The following SHC1 variants were observed in gnomAD, a reference collection of about 807,000 sequenced individuals.
The protein encoded by SHC1 is SHC-transforming protein 1.
A neutral mutation model predicts 55.9 loss-of-function variants in SHC1; 30 were observed. The ratio of observed to expected loss-of-function variants is 0.54; its 90% confidence interval spans 0.40 to 0.73. The LOEUF (loss-of-function observed/expected upper bound fraction) is 0.73. SHC1 is among the 30% of genes least tolerant of loss of function. The pLI, the probability that SHC1 is intolerant of heterozygous loss-of-function variation, is 0.00. For missense variants in SHC1, 675 were observed against 777.1 expected (o/e 0.87, Z 1.56); for synonymous variants, 309 against 306.1 (o/e 1.01, Z -0.10).
Position 154,966,440 on chromosome 1 carries a change from G to A in SHC1, c.1061C>T (p.Pro354Leu), listed in dbSNP as rs767549280. Reference protein sequence around the residue: ...PPDHQYYNDFPGKEPPLGGVV... With the variant: ...PPDHQYYNDFLGKEPPLGGVV... The stretch of plus-strand genomic sequence containing the variant: ...CCCCCCCAAGGGGGGTTCCTTCCCC[G>A]GGAAGTCATTATAGTACTGATGGTC... The change falls in exon 8 of 12, where the codon CCG becomes CTG. Residue 354 changes from proline to leucine, a missense_variant. This residue lies in a region of SHC1 where 360 missense variants were observed against 371.1 expected (regional missense o/e 0.97). Coordinates refer to ENST00000448116, the MANE Select transcript of SHC1 (RefSeq NM_001130040.2). 2.5e-5 allele frequency: 40 copies of A among 1,612,868 alleles called. No individual in the cohort carries two copies. The highest frequency in any genetic ancestry group is 1.1e-4 in the African/African-American group (8 of 74,868).
chr1:154,970,683 C>T lies in SHC1; in HGVS notation c.-157G>A, dbSNP rs1199597584. On this transcript the variant is annotated 5_prime_UTR_variant, in exon 1 of 12. Transcript: ENST00000448116. The surrounding 1 kb of genome is among the most constrained non-coding windows in gnomAD (Gnocchi z 5.5). ...GGGAGGGAGAGGGACAAGTGGCTTC[C>T]GCTCCCCAGCTCAGACCCAGACAGT... 1 of 563,680 alleles carries T rather than the reference C, an allele frequency of 1.8e-6. No individual in the cohort carries two copies. The highest frequency in any genetic ancestry group is 3.1e-6 in the Non-Finnish European group (1 of 320,704). 34.9% of individuals were successfully genotyped at this position (563,680 alleles called of 1,614,324 possible). A position where few individuals can be genotyped will look rare whatever the true frequency, so the allele number is the denominator to read the frequency against.
chr1:154,963,169 G>C lies in SHC1; in HGVS notation c.*634C>G, dbSNP rs1655511845. 1 of 153,284 alleles carries C rather than the reference G, an allele frequency of 6.5e-6. No homozygotes were observed. The highest frequency in any genetic ancestry group is 1.5e-5 in the Non-Finnish European group (1 of 68,462). The allele number at this position is 153,284 out of a possible 1,614,324, so 9.5% of individuals were successfully genotyped here. ...GCCTGGCCGGGAGTGGGGCTCTGGGGCAATCTCTAAGGGTTGCATATCCCC... is the reference window on the plus strand; with the variant it reads ...GCCTGGCCGGGAGTGGGGCTCTGGGCCAATCTCTAAGGGTTGCATATCCCC... On this transcript the variant is annotated 3_prime_UTR_variant, in exon 12 of 12. Transcript: ENST00000448116.
At chr1:154,972,558 C>A (rs1185682554), upstream of SHC1, among the ~76,000 whole-genome samples, 3 of 152,172 alleles carry the variant, frequency 2.0e-5, no homozygotes, top group African/African-American at 7.2e-5. Context: ...CTAGGATGTC[C>A]CTCATCTGTA....
intron 7 of SHC1, among the ~76,000 whole-genome samples, 178 bp from the exon 8 acceptor site, chr1:154,966,695 C>G (rs1322644843): frequency 6.6e-6 from 1 of 152,224 alleles, no homozygotes; most frequent in Non-Finnish European, 1.5e-5. Flanking sequence ...GGTATTGTTT[C>G]CTTCCCCACT....
Position 154,966,371 on chromosome 1 carries a change from G to A in SHC1, c.1130C>T (p.Ala377Val), listed in dbSNP as rs755036212. Residue 377 changes from alanine to valine, a missense_variant, in exon 8 of 12, where the codon GCT becomes GTT. By Grantham distance (64) the Ala-to-Val change is moderately conservative. This residue lies in a region of SHC1 where 360 missense variants were observed against 371.1 expected (regional missense o/e 0.97). Coordinates refer to ENST00000448116, the MANE Select transcript of SHC1 (RefSeq NM_001130040.2). ...CTGGGCATTGGGTGCAGTGGGTCGA[G>A]CAGCCCCTGGAGCGGCTCCTTCCCG... ...RLREGAAPGA[A>V]RPTAPNAQTP... The A allele has an allele frequency of 2.3e-5, 37 of 1,614,022 alleles. No homozygotes were observed. Among genetic ancestry groups the A allele is most frequent in the Non-Finnish European group, 2.7e-5 (32 of 1,180,008 alleles).
At chr1:154,972,873 G>A (rs951339443), upstream of SHC1, among the ~76,000 whole-genome samples, 5 of 151,976 alleles carry the variant, frequency 3.3e-5, no homozygotes, top group Non-Finnish European at 5.9e-5. Context: ...TCTGGTTAGG[G>A]GGAGGGGAAG....
At chr1:154,969,930 T>A in intron 1 of SHC1, 102 bp downstream of exon 1, 1 of 1,277,844 alleles carries the variant, frequency 7.8e-7, no homozygotes, top group South Asian at 1.3e-5. Context: ...TGAAACGGGG[T>A]TGTTGGGGAA....
rs1240153674 is a variant in SHC1, at chr1:154,965,716, G to A, written c.1453C>T (p.Arg485Ter). The A allele has an allele frequency of 3.1e-6, 5 of 1,614,140 alleles. No homozygotes were observed. The highest frequency in any genetic ancestry group is 4.2e-6 in the Non-Finnish European group (5 of 1,180,026). ...PQSVSMAEQL[R>*]GEPWFHGKLS... ...TTCCCATGGAACCAGGGCTCCCCTC[G>A]GAGCTGCTCAGCCATGGACACCGAC... is the stretch of plus-strand genomic sequence containing the variant. Residue 485 changes from arginine to a stop codon, truncating the protein, a stop_gained, in exon 11 of 12, where the codon CGA becomes TGA. Coordinates refer to ENST00000448116, the MANE Select transcript of SHC1 (RefSeq NM_001130040.2). LOFTEE classifies it high-confidence loss of function.
Position 154,967,786 on chromosome 1 carries a change from G to A in SHC1, c.868C>T (p.Leu290=). 1.2e-6 allele frequency: 2 copies of A among 1,614,130 alleles called. No individual in the cohort carries two copies. The highest frequency in any genetic ancestry group is 1.1e-5 in the South Asian group (1 of 91,068). ...DPVNQRACHI[L]ECPEGLAQDV... is the part of the protein sequence containing the mutation. ...TGGGCAAGCCCTTCGGGACACTCCA[G>A]AATGTGGCAGGCTGAGGGCACAGCA... Residue 290 remains leucine (L), a synonymous_variant, in exon 7 of 12, where the codon CTG becomes TTG. Transcript: ENST00000448116.
intron 2 of SHC1, 116 bp from the exon 3 acceptor site, chr1:154,968,950 C>G: frequency 1.1e-6 from 1 of 874,920 alleles, no homozygotes; most frequent in South Asian, 1.3e-5. Flanking sequence ...GCACTCCAGG[C>G]TCTTTGTCAT....
chr1:154,972,074 C>T (rs1244585706), upstream of SHC1, among the ~76,000 whole-genome samples: 1 of 151,944 alleles, frequency 6.6e-6, no homozygotes, highest in Non-Finnish European at 1.5e-5. Context: ...ATGGTGAAAC[C>T]CTGTCTCTAC....
At chr1:154,967,192 G>A (rs1656111190) in intron 7 of SHC1, among the ~76,000 whole-genome samples, 1 of 151,974 alleles carries the variant, frequency 6.6e-6, no homozygotes, top group African/African-American at 2.4e-5. Flanking sequence ...GGGGCCGGGG[G>A]AGGCACTCCA....
At chr1:154,973,956 G>T (rs1418960875), upstream of SHC1, among the ~76,000 whole-genome samples, 6 of 152,174 alleles carry the variant, frequency 3.9e-5, no homozygotes, top group Non-Finnish European at 5.9e-5. Flanking sequence ...TCGTTGCTAG[G>T]AGGCGGAGTT....
chr1:154,969,647 G>C (rs1656481144), intron 1 of SHC1, among the ~76,000 whole-genome samples, 199 bp from the exon 2 acceptor site: 1 of 152,206 alleles, frequency 6.6e-6, no homozygotes, highest in Admixed American at 6.5e-5. Flanking sequence ...AGGCTAGAAG[G>C]ACCTCACACA....
rs1656617766 is a variant in SHC1 at position 154,970,447 on chromosome 1, C to G, written c.80G>C (p.Gly27Ala). ...AGGCAGCTCCTCCGGGGGGGTGGAC[C>G]CAGAAGCCCCTTCCTCCAGCGATGA... Reference protein sequence around the residue: ...SLSSLEEGASGSTPPEELPSP... With the variant: ...SLSSLEEGASASTPPEELPSP... Residue 27 changes from glycine to alanine, a missense_variant, in exon 1 of 12, where the codon GGG becomes GCG. This residue lies in a region of SHC1 where 156 missense variants were observed against 159.1 expected (regional missense o/e 0.98). Transcript: ENST00000448116. This position sits in a 1 kb window ranked among gnomAD's most constrained non-coding sequence, Gnocchi z 5.5. The G allele has an allele frequency of 6.2e-7, 1 of 1,611,280 alleles. No homozygotes were observed. The highest frequency in any genetic ancestry group is 8.5e-7 in the Non-Finnish European group (1 of 1,179,182).
intron 6 of SHC1, 35 bp downstream of exon 6, chr1:154,967,945 G>A: frequency 6.2e-7 from 1 of 1,612,326 alleles, no homozygotes; most frequent in Non-Finnish European, 8.5e-7. Flanking sequence ...TCCTCAAACA[G>A]CCAGACCCAC....
rs780563223 is a variant in SHC1, at chr1:154,970,337, G to A, written c.190C>T (p.Arg64Trp). 4.0e-5 allele frequency: 64 copies of A among 1,605,532 alleles called. No homozygotes were observed. The highest frequency in any genetic ancestry group is 2.9e-4 in the Admixed American group (17 of 59,264). The change falls in exon 1 of 12, where the codon CGG (arginine) becomes TGG (tryptophan). Residue 64 changes from arginine to tryptophan, a missense_variant. Arg to Trp is a moderately radical substitution (Grantham distance 101). This residue lies in a region of SHC1 where 156 missense variants were observed against 159.1 expected (regional missense o/e 0.98). Coordinates refer to ENST00000448116, the MANE Select transcript of SHC1 (RefSeq NM_001130040.2). The surrounding 1 kb of genome is among the most constrained non-coding windows in gnomAD (Gnocchi z 5.5). ...SPTTLCSFFP[R>W]MSNLRLANPA... is the part of the protein sequence containing the mutation. Reference sequence around the variant, plus strand: ...TTGGCCAGCCTCAGGTTGCTCATCCGGGGGAAGAAGGAGCACAGGGTAGTG... The same window carrying A: ...TTGGCCAGCCTCAGGTTGCTCATCCAGGGGAAGAAGGAGCACAGGGTAGTG...
rs113576163 is a variant in SHC1, at chr1:154,967,853, CAG to C, written c.857-58_857-57del. ...TGAGCCCACTGGGAGGAGGCACAGA[CAG>C]GGGCCCTCATCTTCCTCTGCAGGAA... On this transcript the variant is annotated intron_variant, in intron 6 of 11. Transcript: ENST00000448116. 106 of 1,607,854 alleles carry C rather than the reference CAG, an allele frequency of 6.6e-5. 1 individual carries two copies. In the African/African-American group the frequency reaches 7.6e-4, roughly 12 times the overall value.
chr1:154,973,824 C>A (rs1468236036), upstream of SHC1, among the ~76,000 whole-genome samples: 1 of 152,100 alleles, frequency 6.6e-6, no homozygotes, highest in Non-Finnish European at 1.5e-5. Flanking sequence ...GACAGTCAGA[C>A]GTGGATTACG....
Sources: gnomAD v4.1 joint callset for allele counts (sites outside exome capture counted in the v4.1 genomes callset) on GRCh38, gnomAD v4.1.1 for gene constraint, gnomAD v4.1.1 regional missense constraint, Gnocchi (gnomAD v3.1) non-coding constraint, MANE v1.5 for transcripts, NCBI Gene and HGNC (gene_info 2026-07-23, HGNC 2026-07-21) for gene names.